The following BMPR1A variants were observed in gnomAD, a reference collection of about 807,000 sequenced individuals.
BMPR1A encodes the protein bone morphogenetic protein receptor type 1A, also known as bone morphogenetic protein receptor type-1A.
Under a neutral mutation model 66.0 loss-of-function variants are expected in BMPR1A, and 7 were observed. The ratio of observed to expected loss-of-function variants is 0.11; its 90% CI spans 0.06 to 0.20. The LOEUF (loss-of-function observed/expected upper bound fraction) is 0.20. Among genes scored for constraint, BMPR1A ranks in the 10% least tolerant of loss-of-function variants. BMPR1A has a pLI of 1.00. For missense variants in BMPR1A, 408 were observed against 669.1 expected (o/e 0.61, Z 4.31); for synonymous variants, 200 against 229.7 (o/e 0.87, Z 1.17).
In BMPR1A at chr10:86,924,091, G is replaced by A. The variant is rs945191268; in HGVS notation, c.*372G>A. ...GAAAGCCTTAAGAAGATAAATGAGC[G>A]CAGCAGAGATGGAGAAATAGACTTT... On this transcript the variant is annotated 3_prime_UTR_variant, in exon 13 of 13. Transcript: ENST00000372037. 43 of 382,366 alleles carry A rather than the reference G, an allele frequency of 1.1e-4. No individual in the cohort carries two copies. Among genetic ancestry groups the A allele is most frequent in the African/African-American group, 1.8e-4 (9 of 49,714 alleles). The allele number at this position is 382,366 out of a possible 1,614,324, so 23.7% of individuals were successfully genotyped here.
intron 2 of BMPR1A, among the ~76,000 whole-genome samples, chr10:86,857,262 C>G (rs1842655133): frequency 6.6e-6 from 1 of 152,150 alleles, no homozygotes; most frequent in Non-Finnish European, 1.5e-5. Context: ...CTCCCCCATT[C>G]TGAGTCAATT....
At chr10:86,804,261 G>A (rs1841853458) in intron 1 of BMPR1A, among the ~76,000 whole-genome samples, 1 of 152,032 alleles carries the variant, frequency 6.6e-6, no homozygotes, top group African/African-American at 2.4e-5. Flanking sequence ...TTTATTTTGA[G>A]ACAGAGTCTT....
At chr10:86,919,566 A>G (rs1843630164) in intron 10 of BMPR1A, 97 bp downstream of exon 10, 4 of 1,501,420 alleles carry the variant, frequency 2.7e-6, no homozygotes, top group Non-Finnish European at 3.7e-6. Flanking sequence ...AAAAATGTGC[A>G]TATGCTTGTT....
At chr10:86,845,831 A>C (rs953368360) in intron 2 of BMPR1A, among the ~76,000 whole-genome samples, 2 of 151,992 alleles carry the variant, frequency 1.3e-5, no homozygotes, top group Non-Finnish European at 2.9e-5. Flanking sequence ...CCCCGTCTCT[A>C]CTAAAAATAC....
At chr10:86,906,240 AT>A (rs1045707321) in intron 7 of BMPR1A, among the ~76,000 whole-genome samples, 1 of 151,944 alleles carries the variant, frequency 6.6e-6, no homozygotes, top group African/African-American at 2.4e-5. Flanking sequence ...ATTATATGTA[AT>A]TTTTTTCATG....
At chr10:86,889,444 C>A (rs1025200605) in intron 3 of BMPR1A, 8 of 152,344 alleles carry the variant, frequency 5.3e-5, no homozygotes, top group African/African-American at 1.9e-4. Context: ...GAAAGCTGGT[C>A]ACAAGTTTTG....
intron 1 of BMPR1A, among the ~76,000 whole-genome samples, chr10:86,764,977 A>T (rs1841139591): frequency 6.6e-6 from 1 of 152,108 alleles, no homozygotes; most frequent in South Asian, 2.1e-4. Flanking sequence ...TAATCCCAGC[A>T]CTGTGGGAGG....
chr10:86,929,232 CTA>C (rs1273268972), downstream of BMPR1A: 2 of 152,114 alleles, frequency 1.3e-5, no homozygotes, highest in Admixed American at 1.3e-4. Flanking sequence ...GATGGAAAAA[CTA>C]AGGTTCTTGG....
At position 86,837,247 on chromosome 10, in the gene BMPR1A, C is replaced by CTGTGTGTG. The variant is rs71019433; in HGVS notation, c.-267-1598_-267-1591dup. On this transcript the variant is annotated intron_variant, in intron 1 of 12. Coordinates refer to ENST00000372037, the MANE Select transcript of BMPR1A (RefSeq NM_004329.3). ...AGAATCAGGCTGTGTGTGTGTGTGT[C>CTGTGTGTG]TGTGTGTGTGTGTGTGTGTGTGTGT... Among the ~76,000 whole-genome samples, 949 of 138,208 alleles carry CTGTGTGTG rather than the reference C, an allele frequency of 6.9e-3. 9 individuals are homozygous for CTGTGTGTG. The highest frequency in any genetic ancestry group is 0.011 in the African/African-American group (403 of 36,694). 90.7% of individuals were successfully genotyped at this position (138,208 alleles called of 152,430 possible).
chr10:86,807,535 C>A (rs1385047054), intron 1 of BMPR1A, among the ~76,000 whole-genome samples: 2 of 151,712 alleles, frequency 1.3e-5, no homozygotes, highest in Non-Finnish European at 2.9e-5. Context: ...TGTATGCCAC[C>A]ATGCCTGGCA....
At chr10:86,781,857 CTTTTTTTTTT>C (rs1162095658) in intron 1 of BMPR1A, among the ~76,000 whole-genome samples, 144 of 84,242 alleles carry the variant, frequency 1.7e-3, no homozygotes, top group Non-Finnish European at 2.7e-3. Context: ...GACAGGATTT[CTTTTTTTTTT>C]TTTTTTTTTT....
chr10:86,764,161 A>G (rs934565138), intron 1 of BMPR1A, among the ~76,000 whole-genome samples: 6 of 152,222 alleles, frequency 3.9e-5, no homozygotes, highest in African/African-American at 1.4e-4. Context: ...AGTAATTAAA[A>G]TGCTTTGTAA....
chr10:86,770,075 G>A (rs568962358), intron 1 of BMPR1A, among the ~76,000 whole-genome samples: 1 of 152,196 alleles, frequency 6.6e-6, no homozygotes, highest in Non-Finnish European at 1.5e-5. Context: ...GAGGATCATT[G>A]AGCTCAGGAG....
At chr10:86,799,963 C>T (rs1482504157) in intron 1 of BMPR1A, among the ~76,000 whole-genome samples, 1 of 151,974 alleles carries the variant, frequency 6.6e-6, no homozygotes, top group African/African-American at 2.4e-5. Flanking sequence ...TATAGAAAAA[C>T]AACATATCTC....
intron 7 of BMPR1A, among the ~76,000 whole-genome samples, chr10:86,909,367 T>C (rs1246911239): frequency 6.6e-6 from 1 of 151,904 alleles, no homozygotes; most frequent in Non-Finnish European, 1.5e-5. Flanking sequence ...CTGAGGTGGG[T>C]GGATCACTTG....
intron 3 of BMPR1A, among the ~76,000 whole-genome samples, chr10:86,877,473 C>G (rs1842934955): frequency 6.6e-6 from 1 of 152,232 alleles, no homozygotes; most frequent in Admixed American, 6.5e-5. Context: ...TCCCAAAGTG[C>G]TGGCATTACA....
chr10:86,928,412 CAG>C (rs1843777485), downstream of BMPR1A: 1 of 151,150 alleles, frequency 6.6e-6, no homozygotes. Flanking sequence ...TTAATAGAGA[CAG>C]GGTTTCACCA....
At chr10:86,922,724 G>A (rs1051235897) in intron 11 of BMPR1A, among the ~76,000 whole-genome samples, 16 of 152,228 alleles carry the variant, frequency 1.1e-4, no homozygotes, top group African/African-American at 3.6e-4. Context: ...TTGGCACCCA[G>A]AGATTTTACT....
At chr10:86,918,389 T>G (rs1186888257) in intron 9 of BMPR1A, among the ~76,000 whole-genome samples, 5 of 152,238 alleles carry the variant, frequency 3.3e-5, no homozygotes, top group Non-Finnish European at 1.5e-5. Context: ...AGCAGGACTG[T>G]GGGCCTGGCA....
Sources: allele counts gnomAD v4.1 joint callset (sites outside exome capture counted in the v4.1 genomes callset), GRCh38; gene constraint gnomAD v4.1.1; transcripts MANE v1.5; gene names NCBI Gene and HGNC (gene_info 2026-07-23, HGNC 2026-07-21).